SLC12A8: variants seen among roughly 807,000 people sequenced by gnomAD.
The protein encoded by SLC12A8 is solute carrier family 12 member 8.
Under a neutral mutation model 75.6 loss-of-function variants are expected in SLC12A8, and 69 were observed. The ratio of observed to expected loss-of-function variants is 0.91; its 90% CI spans 0.75 to 1.11. The LOEUF (loss-of-function observed/expected upper bound fraction) is 1.11. SLC12A8 is among the 50% of genes most tolerant of loss of function. The pLI, the probability that SLC12A8 is intolerant of heterozygous loss-of-function variation, is 0.00. For missense variants in SLC12A8, 877 were observed against 896.7 expected (o/e 0.98, Z 0.28); for synonymous variants, 365 against 372.8 (o/e 0.98, Z 0.24).
chr3:125,118,883 C>A (rs956621414), intron 7 of SLC12A8, 27 bp from the exon 8 acceptor site: 6 of 1,495,638 alleles, frequency 4.0e-6, no homozygotes, highest in Non-Finnish European at 5.6e-6. Flanking sequence ...CAGAACAGAG[C>A]TGCCCCCGAC....
At chr3:125,210,789 T>C (rs1935321820) in intron 2 of SLC12A8, among the ~76,000 whole-genome samples, 1 of 152,120 alleles carries the variant, frequency 6.6e-6, no homozygotes, top group Non-Finnish European at 1.5e-5. Flanking sequence ...GGATCAGCTC[T>C]CCATTTCTGG....
intron 2 of SLC12A8, among the ~76,000 whole-genome samples, chr3:125,198,780 ATTTT>A (rs111474323): frequency 7.1e-6 from 1 of 141,802 alleles, no homozygotes; most frequent in Non-Finnish European, 1.5e-5. Context: ...AGACAATAGG[ATTTT>A]TTTTTTTTTT....
chr3:125,172,303 T>C (rs537748), intron 5 of SLC12A8, among the ~76,000 whole-genome samples: 94,923 of 150,786 alleles, frequency 0.63, 30,301 homozygotes, highest in East Asian at 0.83. Flanking sequence ...TCTTCTCTGT[T>C]CTCTCTCTCT....
chr3:125,119,902 G>C, intron 7 of SLC12A8: 1 of 456,714 alleles, frequency 2.2e-6, no homozygotes, highest in Admixed American at 2.3e-5. Flanking sequence ...CTGTGGTACA[G>C]AGAGAAACAA....
intron 4 of SLC12A8, among the ~76,000 whole-genome samples, chr3:125,182,918 G>A (rs1190552573): frequency 6.6e-6 from 1 of 152,222 alleles, no homozygotes; most frequent in African/African-American, 2.4e-5. Flanking sequence ...CACCTCAAGG[G>A]TGTGGGGGAA....
intron 5 of SLC12A8, among the ~76,000 whole-genome samples, chr3:125,169,436 C>T (rs1197026900): frequency 2.6e-5 from 4 of 151,912 alleles, no homozygotes; most frequent in Admixed American, 1.3e-4. Context: ...GAAATGAGGA[C>T]GATGAGAAGG....
chr3:125,090,948 T>C (rs1248677340), intron 12 of SLC12A8, among the ~76,000 whole-genome samples: 2 of 152,210 alleles, frequency 1.3e-5, no homozygotes. Flanking sequence ...GGATTACATA[T>C]ACATAAACCA....
At chr3:125,105,661 C>A (rs932770521) in intron 10 of SLC12A8, among the ~76,000 whole-genome samples, 1 of 152,112 alleles carries the variant, frequency 6.6e-6, no homozygotes, top group African/African-American at 2.4e-5. Context: ...AGAATACTAG[C>A]TTTTAATTTA....
chr3:125,165,456 C>T (rs1934264397), intron 5 of SLC12A8, among the ~76,000 whole-genome samples: 1 of 152,226 alleles, frequency 6.6e-6, no homozygotes, highest in Admixed American at 6.5e-5. Flanking sequence ...CATGTAGATG[C>T]CCTTCCACCA....
In SLC12A8 at chr3:125,187,265, G is replaced by C; in HGVS notation, c.362C>G (p.Thr121Ser). The change falls in exon 4 of 14, where the codon ACC becomes AGC. Residue 121 changes from threonine to serine, a missense_variant. Coordinates refer to ENST00000469902, the MANE Select transcript of SLC12A8 (RefSeq NM_024628.6). The part of the protein sequence containing the change: ...SSVLGGQTGG[T>S]IGLLYVFGQC... Reference sequence around the variant, plus strand: ...TCCAAACACATAGAGCAGCCCGATGGTGCCTCCCGTCTGCCCACCCAGGAC... The same window carrying C: ...TCCAAACACATAGAGCAGCCCGATGCTGCCTCCCGTCTGCCCACCCAGGAC... The C allele has an allele frequency of 6.2e-7, 1 of 1,614,182 alleles. No individual in the cohort carries two copies. Among genetic ancestry groups the C allele is most frequent in the Non-Finnish European group, 8.5e-7 (1 of 1,180,034 alleles).
intron 2 of SLC12A8, among the ~76,000 whole-genome samples, chr3:125,211,080 T>C (rs1935328515): frequency 6.6e-6 from 1 of 152,204 alleles, no homozygotes; most frequent in Non-Finnish European, 1.5e-5. Flanking sequence ...GGATTCAAAA[T>C]CCACCACAAA....
rs1428613127 is a variant in SLC12A8 at position 125,120,915 on chromosome 3, AG to A, written c.737-230del. The A allele has an allele frequency of 7.2e-6, 5 of 689,948 alleles. No individual in the cohort carries two copies. The African/African-American group carries it at 8.9e-5, about 12-fold the overall frequency. The allele number at this position is 689,948 out of a possible 1,614,324, so 42.7% of individuals were successfully genotyped here. On this transcript the variant is annotated intron_variant, in intron 6 of 13. Transcript: ENST00000469902. ...TGGGTTGGAGGAGGCTCAGGAGGAA[AG>A]CCCTCCCAGCTCCAAAAGCATCCTA...
chr3:125,120,813 C>T, intron 6 of SLC12A8, 127 bp from the exon 7 acceptor site: 2 of 737,864 alleles, frequency 2.7e-6, no homozygotes, highest in East Asian at 5.3e-5. Context: ...CCTCCAGCTG[C>T]AGCTCTGCGC....
At chr3:125,135,602 G>T in intron 6 of SLC12A8, 67 bp downstream of exon 6, 2 of 997,826 alleles carry the variant, frequency 2.0e-6, no homozygotes, top group Non-Finnish European at 2.9e-6. Context: ...CAATGATGAT[G>T]CTGAATTTTG....
intron 6 of SLC12A8, among the ~76,000 whole-genome samples, chr3:125,133,379 A>AC (rs755281462): frequency 0.032 from 1,652 of 52,400 alleles, 25 homozygotes; most frequent in Non-Finnish European, 0.059. Flanking sequence ...ACACACACAC[A>AC]ATTTTTTTTT....
At chr3:125,124,379 T>G (rs1042031459) in intron 6 of SLC12A8, among the ~76,000 whole-genome samples, 1 of 151,974 alleles carries the variant, frequency 6.6e-6, no homozygotes, top group African/African-American at 2.4e-5. Context: ...CAAGCTGGAG[T>G]GCAATAGTGT....
intron 5 of SLC12A8, 55 bp downstream of exon 5, chr3:125,177,688 A>T (rs1934564177): frequency 3.5e-6 from 5 of 1,447,538 alleles, no homozygotes; most frequent in African/African-American, 1.4e-5. Flanking sequence ...ACCTACAAAC[A>T]TCTCTAAAGC....
intron 2 of SLC12A8, among the ~76,000 whole-genome samples, chr3:125,196,394 A>C (rs1935009217): frequency 6.6e-6 from 1 of 152,230 alleles, no homozygotes; most frequent in Non-Finnish European, 1.5e-5. Context: ...TAGGAGTATG[A>C]ATTACCAATT....
At chr3:125,119,252 G>A (rs585058) in intron 7 of SLC12A8, 106,722 of 156,534 alleles carry the variant, frequency 0.68, 36,982 homozygotes, top group East Asian at 0.91. Flanking sequence ...AGGGCATTCC[G>A]AGTAGGGAAG....
Sources: allele counts gnomAD v4.1 joint callset (sites outside exome capture counted in the v4.1 genomes callset), GRCh38; gene constraint gnomAD v4.1.1; transcripts MANE v1.5; gene names NCBI Gene and HGNC (gene_info 2026-07-23, HGNC 2026-07-21).